DGKD: variants seen among roughly 807,000 people sequenced by gnomAD.
DGKD encodes the protein diacylglycerol kinase delta.
A neutral mutation model predicts 154.4 loss-of-function variants in DGKD; 68 were observed. The ratio of observed to expected loss-of-function variants is 0.44; its 90% CI spans 0.36 to 0.54. The LOEUF (loss-of-function observed/expected upper bound fraction) is 0.54, where lower values mean the gene tolerates loss of function less well. Ranked by LOEUF, DGKD falls within the 20% of genes least tolerant of loss-of-function variation. DGKD has a pLI of 0.00. For synonymous variants in DGKD, 693 were observed against 638.0 expected, an observed-to-expected ratio of 1.09 and a Z score of -1.30; for missense variants, 1,343 against 1,593.6, an observed-to-expected ratio of 0.84 and a Z score of 2.68.
intron 11 of DGKD, among the ~76,000 whole-genome samples, chr2:233,446,080 G>A (rs543358509): frequency 2.6e-5 from 4 of 152,302 alleles, no homozygotes; most frequent in Middle Eastern, 3.4e-3. Flanking sequence ...AATACCCATC[G>A]GAAGAATGCT....
chr2:233,386,168 T>C, intron 1 of DGKD: 1 of 317,362 alleles, frequency 3.2e-6, no homozygotes, highest in Non-Finnish European at 6.3e-6. Flanking sequence ...TCTTTTTTTT[T>C]TTTCCCATTT....
At chr2:233,370,119 C>T (rs1479017156) in intron 1 of DGKD, among the ~76,000 whole-genome samples, 3 of 152,148 alleles carry the variant, frequency 2.0e-5, no homozygotes, top group Non-Finnish European at 2.9e-5. Flanking sequence ...CCTTCCCCAT[C>T]GTGAGTCACT....
At chr2:233,367,584 T>G (rs982421068) in intron 1 of DGKD, among the ~76,000 whole-genome samples, 1 of 152,158 alleles carries the variant, frequency 6.6e-6, no homozygotes, top group Non-Finnish European at 1.5e-5. Flanking sequence ...AACCTAATAA[T>G]CTTTCTGGAT....
intron 3 of DGKD, chr2:233,419,476 G>T: frequency 1.0e-6 from 1 of 982,034 alleles, no homozygotes; most frequent in Non-Finnish European, 1.2e-6. Context: ...TGGGTGGTGA[G>T]TTCAAGGTCA....
intron 3 of DGKD, among the ~76,000 whole-genome samples, chr2:233,424,076 C>T (rs1010112205): frequency 6.6e-6 from 1 of 152,102 alleles, no homozygotes; most frequent in African/African-American, 2.4e-5. Flanking sequence ...AAGAGGGGGT[C>T]CATTCAGAAT....
chr2:233,401,874 C>T (rs550032933), intron 3 of DGKD, among the ~76,000 whole-genome samples: 22 of 132,794 alleles, frequency 1.7e-4, no homozygotes, highest in South Asian at 1.5e-3. Flanking sequence ...GAGCTGAGAT[C>T]GCATCATTTC....
intron 3 of DGKD, among the ~76,000 whole-genome samples, chr2:233,416,967 G>A (rs555414783): frequency 4.6e-5 from 7 of 152,314 alleles, no homozygotes; most frequent in Admixed American, 2.0e-4. Context: ...TTCCTGCTAC[G>A]GTGTGCATTG....
chr2:233,435,941 C>T lies in DGKD; in HGVS notation c.693+17C>T. 1 of 1,592,506 alleles carries T rather than the reference C, an allele frequency of 6.3e-7. No homozygotes were observed. Among genetic ancestry groups the T allele is most frequent in the Non-Finnish European group, 8.6e-7 (1 of 1,167,928 alleles). On this transcript the variant is annotated intron_variant, in intron 6 of 29. Transcript: ENST00000264057. ...GCAGATGGGGTATGTTAAGAAATAC[C>T]ACCTGTGGGGCCCTGAGCCAGGGTC...
chr2:233,360,500 C>T (rs751349582), intron 1 of DGKD, among the ~76,000 whole-genome samples: 6 of 152,132 alleles, frequency 3.9e-5, no homozygotes, highest in Non-Finnish European at 5.9e-5. Flanking sequence ...TCAAGCGATC[C>T]TCCCCCTTTG....
At chr2:233,430,287 C>T (rs184362885) in intron 3 of DGKD, among the ~76,000 whole-genome samples, 23 of 152,294 alleles carry the variant, frequency 1.5e-4, no homozygotes, top group African/African-American at 4.8e-4. Context: ...AGATAATTCA[C>T]GGCAACACTA....
chr2:233,382,381 C>T (rs1284145340), intron 1 of DGKD, among the ~76,000 whole-genome samples: 2 of 152,184 alleles, frequency 1.3e-5, no homozygotes, highest in Admixed American at 1.3e-4. Flanking sequence ...CTTAATTAAC[C>T]ATAGTCAGGT....
At chr2:233,447,389 A>G in intron 12 of DGKD, 1 of 781,928 alleles carries the variant, frequency 1.3e-6, no homozygotes, top group Non-Finnish European at 1.6e-6. Flanking sequence ...GTGGGGTAGT[A>G]CAAAGAGGTG....
intron 5 of DGKD, among the ~76,000 whole-genome samples, chr2:233,435,139 A>T (rs1267701197): frequency 6.6e-6 from 1 of 152,212 alleles, no homozygotes; most frequent in Admixed American, 6.5e-5. Context: ...CAAAAGGAGA[A>T]ATGGGAAATC....
At chr2:233,356,353 A>G (rs568987954) in intron 1 of DGKD, among the ~76,000 whole-genome samples, 2 of 152,292 alleles carry the variant, frequency 1.3e-5, no homozygotes, top group East Asian at 3.9e-4. Context: ...GGCCTTGGGC[A>G]AGAGGTGGCC....
intron 1 of DGKD, among the ~76,000 whole-genome samples, chr2:233,355,099 A>G (rs1173278275): frequency 1.3e-5 from 2 of 151,996 alleles, no homozygotes; most frequent in South Asian, 4.1e-4. Flanking sequence ...CACGTTTCTC[A>G]GGAGCGGTCG....
rs1403635105 is a variant in DGKD at position 233,438,816 on chromosome 2, G to C, written c.1085+437G>C. Among the ~76,000 whole-genome samples, 1 of 144,482 alleles carries C rather than the reference G, an allele frequency of 6.9e-6. No individual in the cohort carries two copies. The highest frequency in any genetic ancestry group is 2.2e-4 in the South Asian group (1 of 4,526). The allele number at this position is 144,482 out of a possible 152,430, so 94.8% of individuals were successfully genotyped here. Reference sequence around the variant, plus strand: ...TATCTATCTATCTATCTATCTATCTGTGGGTGTATTTTCCTGGCGTGCCTC... The same window carrying C: ...TATCTATCTATCTATCTATCTATCTCTGGGTGTATTTTCCTGGCGTGCCTC... On this transcript the variant is annotated intron_variant, in intron 9 of 29. Coordinates refer to ENST00000264057, the MANE Select transcript of DGKD (RefSeq NM_152879.3). This position sits in a 1 kb window ranked among gnomAD's most constrained non-coding sequence, Gnocchi z 4.1.
At chr2:233,436,281 G>A (rs766670738) in intron 6 of DGKD, 35 bp from the exon 7 acceptor site, 1 of 1,613,318 alleles carries the variant, frequency 6.2e-7, no homozygotes, top group Non-Finnish European at 8.5e-7. Flanking sequence ...GGAACCTTGG[G>A]AGCGTCCCTA....
In DGKD at chr2:233,459,257, G is replaced by A. The variant is rs1325190948; in HGVS notation, c.2695-500G>A. Among the ~76,000 whole-genome samples the A allele has an allele frequency of 2.0e-5, 3 of 152,188 alleles. No homozygotes were observed. Among genetic ancestry groups the A allele is most frequent in the South Asian group, 2.1e-4 (1 of 4,830 alleles). On this transcript the variant is annotated intron_variant, in intron 22 of 29. Coordinates refer to ENST00000264057, the MANE Select transcript of DGKD (RefSeq NM_152879.3). The surrounding 1 kb of genome is among the most constrained non-coding windows in gnomAD (Gnocchi z 5.7). ...ACCCACTGGCTGAACCCCACCCTGCGACTGTCTGGTGTCTTCCAGCACTCT... is the reference window on the plus strand; with the variant it reads ...ACCCACTGGCTGAACCCCACCCTGCAACTGTCTGGTGTCTTCCAGCACTCT...
At chr2:233,421,175 T>C (rs1288217488) in intron 3 of DGKD, among the ~76,000 whole-genome samples, 2 of 152,146 alleles carry the variant, frequency 1.3e-5, no homozygotes, top group Non-Finnish European at 2.9e-5. Flanking sequence ...CCTCAGCATG[T>C]CCACACGGAC....
Sources: allele counts gnomAD v4.1 joint callset (sites outside exome capture counted in the v4.1 genomes callset), GRCh38; gene constraint gnomAD v4.1.1; non-coding constraint Gnocchi (gnomAD v3.1); transcripts MANE v1.5; gene names NCBI Gene and HGNC (gene_info 2026-07-23, HGNC 2026-07-21).